CABCOCO1: variants seen among roughly 807,000 people sequenced by gnomAD.
CABCOCO1 encodes ciliary associated calcium binding coiled-coil 1.
In CABCOCO1, 28 loss-of-function variants were observed where a neutral mutation model predicts 35.7. The observed-to-expected ratio is 0.78, with a 90% CI of 0.58 to 1.07. CABCOCO1 has a LOEUF of 1.07. CABCOCO1 is among the 50% of genes least tolerant of loss of function. CABCOCO1 has a pLI of 0.00. For missense variants in CABCOCO1, 326 were observed against 309.2 expected (o/e 1.05, Z -0.41); for synonymous variants, 95 against 100.1 (o/e 0.95, Z 0.30).
intron 1 of CABCOCO1, among the ~76,000 whole-genome samples, chr10:61,665,614 G>A (rs915641653): frequency 1.3e-5 from 2 of 152,164 alleles, no homozygotes; most frequent in African/African-American, 2.4e-5. Flanking sequence ...AAGGCCGGGC[G>A]CGGTGGCTCA....
At chr10:61,731,979 T>C (rs1219439406) in intron 5 of CABCOCO1, among the ~76,000 whole-genome samples, 10 of 152,080 alleles carry the variant, frequency 6.6e-5, no homozygotes. Flanking sequence ...AATCTCATAA[T>C]TAAAATGTTC....
chr10:61,743,467 G>T (rs988536077), intron 5 of CABCOCO1, among the ~76,000 whole-genome samples: 20 of 151,798 alleles, frequency 1.3e-4, no homozygotes, highest in African/African-American at 4.1e-4. Flanking sequence ...CTAATTTTTT[G>T]CATTTTTATA....
chr10:61,682,072 C>T (rs1310258498), intron 3 of CABCOCO1, among the ~76,000 whole-genome samples: 1 of 152,158 alleles, frequency 6.6e-6, no homozygotes, highest in African/African-American at 2.4e-5. Context: ...TGAGTATTCA[C>T]ACACTAGAAA....
chr10:61,725,553 G>A (rs1841127614), intron 5 of CABCOCO1, among the ~76,000 whole-genome samples: 1 of 141,888 alleles, frequency 7.0e-6, no homozygotes, highest in Admixed American at 7.8e-5. Flanking sequence ...GGTGGGAACT[G>A]AACAATGAGA....
chr10:61,743,643 T>C (rs1589151119), intron 5 of CABCOCO1, among the ~76,000 whole-genome samples: 1 of 152,208 alleles, frequency 6.6e-6, no homozygotes, highest in South Asian at 2.1e-4. Flanking sequence ...CAGGCCTGTT[T>C]GACCCTAGCT....
At chr10:61,694,855 G>A (rs1201654085) in intron 5 of CABCOCO1, among the ~76,000 whole-genome samples, 1 of 152,060 alleles carries the variant, frequency 6.6e-6, no homozygotes, top group Non-Finnish European at 1.5e-5. Context: ...TGTTGGGTCT[G>A]CACAAGACCA....
At chr10:61,666,017 G>A (rs867464140) in intron 1 of CABCOCO1, among the ~76,000 whole-genome samples, 1 of 152,150 alleles carries the variant, frequency 6.6e-6, no homozygotes, top group Admixed American at 6.5e-5. Context: ...TCTGAGTAAT[G>A]TCTCTTAAAG....
At chr10:61,680,380 CATATA>C (rs1244981790) in intron 2 of CABCOCO1, among the ~76,000 whole-genome samples, 17 of 119,238 alleles carry the variant, frequency 1.4e-4, no homozygotes, top group African/African-American at 4.2e-4. Context: ...ATACATATAA[CATATA>C]ATATATATAT....
At chr10:61,701,617 C>T in intron 5 of CABCOCO1, 2 of 983,636 alleles carry the variant, frequency 2.0e-6, no homozygotes, top group South Asian at 4.7e-5. Context: ...TTTCCATTCT[C>T]TGATTACAAA....
At chr10:61,725,161 G>A (rs571203565) in intron 5 of CABCOCO1, among the ~76,000 whole-genome samples, 2 of 152,208 alleles carry the variant, frequency 1.3e-5, no homozygotes, top group South Asian at 4.2e-4. Context: ...ACTGTTGGTG[G>A]GACTGTAAAC....
rs540105334 is a variant in CABCOCO1, at chr10:61,700,830, G to C, written c.552+10209G>C. ...TTCATATAGTGTTGTACTTACGATGGAAAGTTATTCACACTATGTTAATTA... is the reference window on the plus strand; with the variant it reads ...TTCATATAGTGTTGTACTTACGATGCAAAGTTATTCACACTATGTTAATTA... On this transcript the variant is annotated intron_variant, in intron 5 of 7. Coordinates refer to ENST00000648843, the MANE Select transcript of CABCOCO1 (RefSeq NM_001366906.2). 3.3e-5 allele frequency among the ~76,000 whole-genome samples: 5 copies of C among 152,046 alleles called. No homozygotes were observed. The East Asian group carries it at 9.6e-4, about 29-fold the overall frequency.
At chr10:61,722,253 T>C (rs1841040666) in intron 5 of CABCOCO1, among the ~76,000 whole-genome samples, 1 of 152,196 alleles carries the variant, frequency 6.6e-6, no homozygotes. Flanking sequence ...AAAATAAACC[T>C]CAATAAATTC....
intron 2 of CABCOCO1, among the ~76,000 whole-genome samples, chr10:61,680,668 TAACATATATGTTATACATGTATAACA>T (rs1839736368): frequency 1.4e-5 from 1 of 72,126 alleles, no homozygotes; most frequent in Admixed American, 2.2e-4. Flanking sequence ...TATACATGTA[TAACATATATGTTATACATGTATAACA>T]TATATATGTT....
chr10:61,698,585 T>C (rs1840355508), intron 5 of CABCOCO1, among the ~76,000 whole-genome samples: 1 of 152,160 alleles, frequency 6.6e-6, no homozygotes, highest in Non-Finnish European at 1.5e-5. Flanking sequence ...ATGCAGGACC[T>C]CTCTAAAGTC....
rs187273135 is a variant in CABCOCO1 at position 61,753,511 on chromosome 10, C to T, written c.553-6548C>T. Among the ~76,000 whole-genome samples the T allele has an allele frequency of 4.6e-5, 7 of 152,200 alleles. No homozygotes were observed. In the East Asian group the frequency reaches 9.6e-4, roughly 21 times the overall value. Reference sequence around the variant, plus strand: ...CGGTATTTCATTTTCACAAGAGAGACGTGTTGAAAGTTTGCCCTGTAAGCC... The same window carrying T: ...CGGTATTTCATTTTCACAAGAGAGATGTGTTGAAAGTTTGCCCTGTAAGCC... On this transcript the variant is annotated intron_variant, in intron 5 of 7. Coordinates refer to ENST00000648843, the MANE Select transcript of CABCOCO1 (RefSeq NM_001366906.2).
chr10:61,692,324 C>T (rs148846090), intron 5 of CABCOCO1, among the ~76,000 whole-genome samples: 78 of 152,222 alleles, frequency 5.1e-4, no homozygotes, highest in African/African-American at 1.7e-3. Flanking sequence ...ATCCTTCACC[C>T]GCTTCTGGAT....
intron 1 of CABCOCO1, among the ~76,000 whole-genome samples, chr10:61,665,881 C>T (rs1589105034): frequency 9.2e-6 from 1 of 108,796 alleles, no homozygotes; most frequent in Non-Finnish European, 2.3e-5. Flanking sequence ...AGCGAGACTC[C>T]GTCTCAAAAA....
At chr10:61,674,157 G>T (rs993503675) in intron 2 of CABCOCO1, among the ~76,000 whole-genome samples, 1 of 152,088 alleles carries the variant, frequency 6.6e-6, no homozygotes, top group Non-Finnish European at 1.5e-5. Flanking sequence ...TTCTTCCCAC[G>T]TTGTAAATTG....
intron 5 of CABCOCO1, among the ~76,000 whole-genome samples, chr10:61,720,917 CTTTTTTTT>C (rs71018996): frequency 0.011 from 704 of 65,996 alleles, 5 homozygotes; most frequent in African/African-American, 0.024. Flanking sequence ...TCTTTTCATT[CTTTTTTTT>C]TTTTTTTTTT....
Sources: allele counts gnomAD v4.1 joint callset (sites outside exome capture counted in the v4.1 genomes callset), GRCh38; gene constraint gnomAD v4.1.1; transcripts MANE v1.5; gene names NCBI Gene and HGNC (gene_info 2026-07-23, HGNC 2026-07-21).